The following TRPM4 variants were observed in gnomAD, a reference collection of about 807,000 sequenced individuals.
TRPM4 encodes the protein calcium-activated non-selective cation channel 1.
In TRPM4, 124 loss-of-function variants were observed where a neutral mutation model predicts 135.6. That is an observed-to-expected ratio of 0.91 (90% confidence interval 0.79 to 1.06). The LOEUF (loss-of-function observed/expected upper bound fraction) is 1.06, where lower values mean the gene tolerates loss of function less well. Among genes scored for constraint, TRPM4 ranks in the 50% least tolerant of loss-of-function variants. The probability of loss-of-function intolerance (pLI) is 0.00; values close to 1 mark genes in which losing one functional copy is unlikely to be tolerated. For missense variants in TRPM4, 1,658 were observed against 1,671.4 expected (o/e 0.99, Z 0.14); for synonymous variants, 745 against 705.6 (o/e 1.06, Z -0.88).
intron 20 of TRPM4, among the ~76,000 whole-genome samples, chr19:49,207,667 A>G (rs984072647): frequency 6.9e-6 from 1 of 144,686 alleles, no homozygotes; most frequent in Admixed American, 7.0e-5. Context: ...AAAGCCATGC[A>G]TGGTGGCTCA....
chr19:49,198,134 A>T (rs1968767698), intron 17 of TRPM4, among the ~76,000 whole-genome samples: 1 of 152,122 alleles, frequency 6.6e-6, no homozygotes, highest in South Asian at 2.1e-4. Flanking sequence ...TTACAAAGTG[A>T]TTCAACATAA....
chr19:49,211,770 A>C lies in TRPM4; in HGVS notation c.*272A>C. The C allele has an allele frequency of 1.7e-6, 1 of 574,348 alleles. No homozygotes were observed. Among genetic ancestry groups the C allele is most frequent in the Non-Finnish European group, 3.1e-6 (1 of 320,672 alleles). 35.6% of individuals were successfully genotyped at this position (574,348 alleles called of 1,614,324 possible). ...GAGGCTGCAGGGTCCTTGGGGTAAC[A>C]GGGACCACAGACCCCTCACCACTCA... On this transcript the variant is annotated 3_prime_UTR_variant, in exon 25 of 25. Transcript: ENST00000252826. The surrounding 1 kb of genome is among the most constrained non-coding windows in gnomAD (Gnocchi z 4.8).
At chr19:49,165,659 G>A (rs1346726648) in intron 2 of TRPM4, among the ~76,000 whole-genome samples, 3 of 152,142 alleles carry the variant, frequency 2.0e-5, no homozygotes, top group Admixed American at 6.5e-5. Flanking sequence ...CCGAGCATGC[G>A]GGCTCTCCCT....
At chr19:49,172,572 CTGTCCATCCATGCATCCACTGACAAT>C (rs1248975816) in intron 9 of TRPM4, among the ~76,000 whole-genome samples, 2 of 150,906 alleles carry the variant, frequency 1.3e-5, no homozygotes, top group Non-Finnish European at 2.9e-5. Context: ...ATCTTCTCAC[CTGTCCATCCATGCATCCACTGACAAT>C]TCCTGAGAAT....
chr19:49,197,366 CTCTCTT>C (rs1568486163), intron 17 of TRPM4, among the ~76,000 whole-genome samples: 18 of 102,904 alleles, frequency 1.7e-4, no homozygotes, highest in East Asian at 1.4e-3. Flanking sequence ...CTTTCTTTCT[CTCTCTT>C]TCTTTTCTTT....
Position 49,188,638 on chromosome 19 carries a change from C to A in TRPM4, c.1744-3C>A. On this transcript the variant is annotated splice_region_variant and splice_polypyrimidine_tract_variant and intron_variant, in intron 12 of 24. Coordinates refer to ENST00000252826, the MANE Select transcript of TRPM4 (RefSeq NM_017636.4). Reference sequence around the variant, plus strand: ...CGCATCCGTGCCCTCTTTGTCTCTCCAGGGTTCCAATGCAGTTTCCTCAGC... The same window carrying A: ...CGCATCCGTGCCCTCTTTGTCTCTCAAGGGTTCCAATGCAGTTTCCTCAGC... The A allele has an allele frequency of 6.2e-7, 1 of 1,614,206 alleles. No homozygotes were observed.
intron 12 of TRPM4, 50 bp from the exon 13 acceptor site, chr19:49,188,591 C>T: frequency 1.2e-6 from 2 of 1,613,866 alleles, no homozygotes; most frequent in Non-Finnish European, 1.7e-6. Flanking sequence ...AGGCTTCCTC[C>T]CCCTCTATGA....
chr19:49,206,135 G>A (rs1196276103), intron 20 of TRPM4, among the ~76,000 whole-genome samples: 1 of 150,822 alleles, frequency 6.6e-6, no homozygotes, highest in African/African-American at 2.4e-5. Flanking sequence ...TAATTTTTTT[G>A]TATTTTTGGT....
rs1384135737 is a variant in TRPM4 at position 49,196,579 on chromosome 19, A to G, written c.2350A>G (p.Met784Val). 1 of 1,557,232 alleles carries G rather than the reference A, an allele frequency of 6.4e-7. No individual in the cohort carries two copies. Among genetic ancestry groups the G allele is most frequent in the Non-Finnish European group, 8.7e-7 (1 of 1,153,796 alleles). ...CTGGGGCGCGCCGGTGACCATCTTC[A>G]TGGGCAACGTGGTCAGCTACCTGCT... ...HFWGAPVTIF[M>V]GNVVSYLLFL... is the part of the protein sequence containing the mutation. Residue 784 changes from methionine to valine, a missense_variant, in exon 17 of 25, where the codon ATG becomes GTG. Physicochemically the swap from Met to Val is conservative, Grantham distance 21. Coordinates refer to ENST00000252826, the MANE Select transcript of TRPM4 (RefSeq NM_017636.4).
At chr19:49,165,594 A>ATT (rs1220433993) in intron 2 of TRPM4, among the ~76,000 whole-genome samples, 2 of 152,080 alleles carry the variant, frequency 1.3e-5, no homozygotes, top group African/African-American at 4.8e-5. Context: ...AGAGGAGGAA[A>ATT]TTTAGGCTCA....
At chr19:49,190,107 A>G in intron 14 of TRPM4, 101 bp from the exon 15 acceptor site, 1 of 959,160 alleles carries the variant, frequency 1.0e-6, no homozygotes, top group Admixed American at 1.7e-5. Context: ...GACATTGGGC[A>G]CTTGCTCTGT....
intron 2 of TRPM4, 131 bp from the exon 3 acceptor site, chr19:49,165,910 C>A (rs957748938): frequency 6.4e-6 from 6 of 931,542 alleles, no homozygotes; most frequent in Non-Finnish European, 9.6e-6. Flanking sequence ...CCAGGGGCAG[C>A]GTGGACTCTG....
intron 9 of TRPM4, among the ~76,000 whole-genome samples, chr19:49,179,709 G>A (rs1193594471): frequency 1.3e-5 from 2 of 152,174 alleles, no homozygotes; most frequent in Non-Finnish European, 2.9e-5. Context: ...GGGGAAAGTA[G>A]GAGAGCTTCA....
chr19:49,180,894 C>T (rs1568469217), intron 9 of TRPM4, among the ~76,000 whole-genome samples: 3 of 151,910 alleles, frequency 2.0e-5, no homozygotes, highest in Admixed American at 2.0e-4. Flanking sequence ...TTTATCCATC[C>T]CATCCATCCA....
rs150368509 is a variant in TRPM4, at chr19:49,171,604, G to C, written c.885G>C (p.Gln295His). Residue 295 changes from glutamine (Q) to histidine (H), a missense_variant, in exon 8 of 25, where the codon CAG (glutamine) becomes CAC (histidine). Physicochemically the swap from Gln to His is conservative, Grantham distance 24 (BLOSUM62 0). This residue lies in a region of TRPM4 where 1,412 missense variants were observed against 1,408.7 expected (regional missense o/e 1.00). Transcript: ENST00000252826. This position sits in a 1 kb window ranked among gnomAD's most constrained non-coding sequence, Gnocchi z 4.7. ...LTRIENATQA[Q>H]LPCLLVAGSG... ...GAATAGAGAACGCCACCCAGGCTCAGCTCCCATGTCTCCTCGTGGCTGGCT... is the reference window on the plus strand; with the variant it reads ...GAATAGAGAACGCCACCCAGGCTCACCTCCCATGTCTCCTCGTGGCTGGCT... 5.0e-6 allele frequency: 8 copies of C among 1,613,974 alleles called. No individual in the cohort carries two copies. In the South Asian group the frequency reaches 8.8e-5, roughly 18 times the overall value.
At chr19:49,201,842 C>G in intron 19 of TRPM4, 122 bp from the exon 20 acceptor site, 2 of 1,002,662 alleles carry the variant, frequency 2.0e-6, no homozygotes, top group East Asian at 4.8e-5. Context: ...TCAGGTGATC[C>G]GGCCATCTCA....
chr19:49,210,309 C>T lies in TRPM4; in HGVS notation c.3232C>T (p.Pro1078Ser). 1 of 1,614,242 alleles carries T rather than the reference C, an allele frequency of 6.2e-7. No homozygotes were observed. Among genetic ancestry groups the T allele is most frequent in the Non-Finnish European group, 8.5e-7 (1 of 1,180,052 alleles). Reference sequence around the variant, plus strand: ...CCACTCTCGGCCCGCGCTGGCCCCGCCCTTTATCGTCATCTCCCACTTGCG... The same window carrying T: ...CCACTCTCGGCCCGCGCTGGCCCCGTCCTTTATCGTCATCTCCCACTTGCG... ...EFHSRPALAP[P>S]FIVISHLRLL... The change falls in exon 21 of 25, where the codon CCC (proline) becomes TCC (serine). Residue 1078 changes from proline to serine, a missense_variant. Transcript: ENST00000252826. This position sits in a 1 kb window ranked among gnomAD's most constrained non-coding sequence, Gnocchi z 4.1.
At position 49,211,330 on chromosome 19, in the gene TRPM4, TTC is replaced by T; in HGVS notation, c.3640+68_3640+69del. The T allele has an allele frequency of 6.3e-7, 1 of 1,583,538 alleles. No homozygotes were observed. Among genetic ancestry groups the T allele is most frequent in the Non-Finnish European group, 8.6e-7 (1 of 1,160,278 alleles). On this transcript the variant is annotated intron_variant, in intron 24 of 24. Coordinates refer to ENST00000252826, the MANE Select transcript of TRPM4 (RefSeq NM_017636.4). This position sits in a 1 kb window ranked among gnomAD's most constrained non-coding sequence, Gnocchi z 4.8. The stretch of plus-strand genomic sequence containing the variant: ...TCTGTTCCTGTATTTTTGCGTGTTT[TTC>T]TCTCTCGGCACCTTTCCAGTGTCCC...
rs1251148062 is a variant in TRPM4 at position 49,210,356 on chromosome 19, C to T, written c.3279C>T (p.Cys1093=). The change falls in exon 21 of 25, where the codon TGC becomes TGT. Residue 1093 remains cysteine, a synonymous_variant. Transcript: ENST00000252826. This position sits in a 1 kb window ranked among gnomAD's most constrained non-coding sequence, Gnocchi z 4.1. The part of the protein sequence containing the change: ...SHLRLLLRQL[C]RRPRSPQPSS... ...TGCGCCTCCTGCTCAGGCAATTGTGCAGGCGACCCCGGAGCCCCCAGCCGT... is the reference window on the plus strand; with the variant it reads ...TGCGCCTCCTGCTCAGGCAATTGTGTAGGCGACCCCGGAGCCCCCAGCCGT... 1.2e-6 allele frequency: 2 copies of T among 1,614,150 alleles called. No homozygotes were observed. The highest frequency in any genetic ancestry group is 2.2e-5 in the East Asian group (1 of 44,888).
Sources: gnomAD v4.1 joint callset for allele counts (sites outside exome capture counted in the v4.1 genomes callset) on GRCh38, gnomAD v4.1.1 for gene constraint, gnomAD v4.1.1 regional missense constraint, Gnocchi (gnomAD v3.1) non-coding constraint, MANE v1.5 for transcripts, NCBI Gene and HGNC (gene_info 2026-07-23, HGNC 2026-07-21) for gene names.